CCAR2: variants seen among roughly 807,000 people sequenced by gnomAD.
CCAR2 encodes cell cycle and apoptosis regulator 2.
A neutral mutation model predicts 108.1 loss-of-function variants in CCAR2; 21 were observed. The observed-to-expected ratio is 0.19, with a 90% CI of 0.14 to 0.28. The LOEUF is 0.28. Ranked by LOEUF, CCAR2 falls within the 10% of genes least tolerant of loss-of-function variation. The pLI, the probability that CCAR2 is intolerant of heterozygous loss-of-function variation, is 1.00. For missense variants in CCAR2, 1,126 were observed against 1,177.0 expected (o/e 0.96, Z 0.63); for synonymous variants, 577 against 472.8 (o/e 1.22, Z -2.86).
chr8:22,618,470 T>C lies in CCAR2; in HGVS notation c.2195T>C (p.Leu732Pro). The part of the protein sequence containing the change: ...RRDLERILLT[L>P]GIRLSAEQAK... ...GACTTAGAGAGGATCCTCCTTACCC[T>C]TGGGATCCGGCTCAGTGCAGAGCAG... Residue 732 changes from leucine (L) to proline (P), a missense_variant, in exon 17 of 21, where the codon CTT becomes CCT. Leu to Pro is a moderately conservative substitution (Grantham distance 98). This residue lies in a region of CCAR2 where 1,013 missense variants were observed against 993.9 expected (regional missense o/e 1.02). Coordinates refer to ENST00000308511, the MANE Select transcript of CCAR2 (RefSeq NM_001393997.1). 6.2e-7 allele frequency: 1 copy of C among 1,614,212 alleles called. No homozygotes were observed. Among genetic ancestry groups the C allele is most frequent in the Non-Finnish European group, 8.5e-7 (1 of 1,180,044 alleles).
Position 22,618,948 on chromosome 8 carries a change from C to G in CCAR2, c.2454C>G (p.Arg818=), listed in dbSNP as rs200010288. ...SLINVGSLLQ[R]AEQQDSGRLY... ...TTAACGTGGGGAGCCTGCTGCAGCGCGCGGAGCAGCAGGACAGCGGCCGGC... is the reference window on the plus strand; with the variant it reads ...TTAACGTGGGGAGCCTGCTGCAGCGGGCGGAGCAGCAGGACAGCGGCCGGC... Residue 818 remains arginine, a synonymous_variant, in exon 19 of 21, where the codon CGC becomes CGG. Transcript: ENST00000308511. 6 of 1,613,666 alleles carry G rather than the reference C, an allele frequency of 3.7e-6. No individual in the cohort carries two copies. Among genetic ancestry groups the G allele is most frequent in the Non-Finnish European group, 5.1e-6 (6 of 1,180,038 alleles).
chr8:22,611,567 G>A (rs943999769), intron 7 of CCAR2, among the ~76,000 whole-genome samples: 13 of 151,980 alleles, frequency 8.6e-5, no homozygotes, highest in Admixed American at 7.2e-4. Context: ...TTTTGAAAAG[G>A]AAAATCTCTT....
At position 22,615,504 on chromosome 8, in the gene CCAR2, G is replaced by A. The variant is rs1801465928; in HGVS notation, c.1285G>A (p.Val429Ile). ...LQTVVVYLPD[V>I]WTIMPTLEEW... ...GACAGTGGTGGTGTACCTGCCGGATGTCTGGACCATCATGCCTACTTTGGA... is the reference window on the plus strand; with the variant it reads ...GACAGTGGTGGTGTACCTGCCGGATATCTGGACCATCATGCCTACTTTGGA... Residue 429 changes from valine (V) to isoleucine (I), a missense_variant, in exon 12 of 21, where the codon GTC becomes ATC. Around this residue, in one of 4 missense-constraint regions of CCAR2, gnomAD observed 1,013 missense variants for 993.9 expected, o/e 1.02. Transcript: ENST00000308511. 6 of 1,613,976 alleles carry A rather than the reference G, an allele frequency of 3.7e-6. 1 individual carries two copies. The highest frequency in any genetic ancestry group is 2.2e-5 in the South Asian group (2 of 91,086).
In CCAR2 at chr8:22,613,166, C is replaced by G. The variant is rs199503915; in HGVS notation, c.704+30C>G. 59 of 1,531,308 alleles carry G rather than the reference C, an allele frequency of 3.9e-5. No individual in the cohort carries two copies. The Middle Eastern group carries it at 6.0e-4, about 15-fold the overall frequency. 94.9% of individuals were successfully genotyped at this position (1,531,308 alleles called of 1,614,324 possible). Reference sequence around the variant, plus strand: ...GTGGCGAGGCTGAGGTGGGCTGAGTCTTGCTGCTGGTAATAGTTTCTTATG... The same window carrying G: ...GTGGCGAGGCTGAGGTGGGCTGAGTGTTGCTGCTGGTAATAGTTTCTTATG... On this transcript the variant is annotated intron_variant, in intron 8 of 20. Coordinates refer to ENST00000308511, the MANE Select transcript of CCAR2 (RefSeq NM_001393997.1).
intron 7 of CCAR2, among the ~76,000 whole-genome samples, chr8:22,610,061 A>T (rs1196945053): frequency 6.6e-6 from 1 of 152,198 alleles, no homozygotes; most frequent in African/African-American, 2.4e-5. Flanking sequence ...AAAATCTGAA[A>T]AAAATTCCAA....
rs56024925 is a variant in CCAR2, at chr8:22,619,619, C to T, written c.2728-19C>T. 1 of 641,996 alleles carries T rather than the reference C, an allele frequency of 1.6e-6. No homozygotes were observed. Among genetic ancestry groups the T allele is most frequent in the Non-Finnish European group, 2.1e-6 (1 of 474,306 alleles). The allele number at this position is 641,996 out of a possible 1,614,324, so 39.8% of individuals were successfully genotyped here. A position where few individuals can be genotyped will look rare whatever the true frequency, so the allele number is the denominator to read the frequency against. On this transcript the variant is annotated intron_variant, in intron 20 of 20. Coordinates refer to ENST00000308511, the MANE Select transcript of CCAR2 (RefSeq NM_001393997.1). ...ACCTTGCCAGGCCCGATTCTGGGTA[C>T]ATCATCTGTTTCAAACAGGCTGACA...
chr8:22,616,129 G>A lies in CCAR2; in HGVS notation c.1726G>A (p.Glu576Lys). 1 of 1,614,038 alleles carries A rather than the reference G, an allele frequency of 6.2e-7. No homozygotes were observed. ...KVVSPPEPEKEEAAKEEATKE... is the reference protein window; with the variant it reads ...KVVSPPEPEKKEAAKEEATKE... ...CGTGTCCCCACCTGAACCTGAGAAG[G>A]AGGAGGCGGCCAAGGAAGAAGCCAC... is the stretch of plus-strand genomic sequence containing the variant. Residue 576 changes from glutamate to lysine, a missense_variant, in exon 14 of 21, where the codon GAG becomes AAG. Physicochemically the swap from Glu to Lys is moderately conservative, Grantham distance 56. Coordinates refer to ENST00000308511, the MANE Select transcript of CCAR2 (RefSeq NM_001393997.1).
chr8:22,618,045 G>T, intron 16 of CCAR2: 1 of 590,466 alleles, frequency 1.7e-6, no homozygotes, highest in Non-Finnish European at 3.0e-6. Flanking sequence ...AGAGAGGAAG[G>T]CTGGCTTGGG....
chr8:22,605,560 G>GT (rs1801037158), intron 1 of CCAR2, 176 bp from the exon 2 acceptor site: 1 of 587,130 alleles, frequency 1.7e-6, no homozygotes, highest in Admixed American at 3.0e-5. Context: ...CTGGAACAAT[G>GT]TAATTTCTTG....
chr8:22,613,049 G>C lies in CCAR2; in HGVS notation c.617G>C (p.Arg206Pro). The C allele has an allele frequency of 6.2e-7, 1 of 1,613,108 alleles. No individual in the cohort carries two copies. The highest frequency in any genetic ancestry group is 8.5e-7 in the Non-Finnish European group (1 of 1,179,708). The stretch of plus-strand genomic sequence containing the variant: ...TATGACTCCAAGAAACGCAAACAGC[G>C]GGCTGGTGGAGAGCCCTGGGGTGCT... Reference protein sequence around the residue: ...DDYDSKKRKQRAGGEPWGAKK... With the variant: ...DDYDSKKRKQPAGGEPWGAKK... The change falls in exon 8 of 21, where the codon CGG becomes CCG. Residue 206 changes from arginine to proline, a missense_variant. Transcript: ENST00000308511.
Position 22,619,814 on chromosome 8 carries a change from CCTCT to C in CCAR2, c.*133_*136del. ...CAGGGGTGGCTGACCCCATGCTCAG[CCTCT>C]AGGGGACGGCAGGCCATCAGGCTGG... On this transcript the variant is annotated 3_prime_UTR_variant, in exon 21 of 21. Transcript: ENST00000308511. 1 of 940,644 alleles carries C rather than the reference CCTCT, an allele frequency of 1.1e-6. No individual in the cohort carries two copies. The highest frequency in any genetic ancestry group is 2.1e-5 in the Admixed American group (1 of 48,132). 58.3% of individuals were successfully genotyped at this position (940,644 alleles called of 1,614,324 possible).
intron 16 of CCAR2, 35 bp from the exon 17 acceptor site, chr8:22,618,314 T>G (rs114286398): frequency 6.2e-7 from 1 of 1,613,774 alleles, no homozygotes; most frequent in East Asian, 2.2e-5. Context: ...GAGGGAACTA[T>G]TTGCAAATCC....
At chr8:22,606,511 G>T (rs1309323539) in intron 3 of CCAR2, 96 bp from the exon 4 acceptor site, 2 of 942,152 alleles carry the variant, frequency 2.1e-6, no homozygotes, top group Non-Finnish European at 3.4e-6. Flanking sequence ...GCAGTACGCT[G>T]AGCTGGGGCG....
chr8:22,607,477 T>TTG (rs1554558944), intron 6 of CCAR2, 152 bp downstream of exon 6: 4 of 905,972 alleles, frequency 4.4e-6, no homozygotes, highest in Middle Eastern at 2.7e-4. Flanking sequence ...GTTTTTTTTT[T>TTG]TTTTTTTTTT....
intron 10 of CCAR2, 94 bp from the exon 11 acceptor site, chr8:22,614,744 G>GGTGT: frequency 1.3e-6 from 2 of 1,550,094 alleles, no homozygotes; most frequent in South Asian, 2.3e-5. Context: ...CCCACTTCCG[G>GGTGT]CTGCCTTCAT....
At position 22,604,786 on chromosome 8, in the gene CCAR2, C is replaced by T. The variant is rs201916896; in HGVS notation, c.-95C>T. 2.6e-5 allele frequency: 12 copies of T among 455,884 alleles called. No homozygotes were observed. Among genetic ancestry groups the T allele is most frequent in the Admixed American group, 4.7e-5 (2 of 42,562 alleles). 28.2% of individuals were successfully genotyped at this position (455,884 alleles called of 1,614,324 possible). A position where few individuals can be genotyped will look rare whatever the true frequency, so the allele number is the denominator to read the frequency against. On this transcript the variant is annotated 5_prime_UTR_variant, in exon 1 of 21. Coordinates refer to ENST00000308511, the MANE Select transcript of CCAR2 (RefSeq NM_001393997.1). ...GCGCTTCCGGTGGCGGCGGCAGCAGCGGCTGTGGTGGTTCCGGGTGTCTTT... is the reference window on the plus strand; with the variant it reads ...GCGCTTCCGGTGGCGGCGGCAGCAGTGGCTGTGGTGGTTCCGGGTGTCTTT...
intron 16 of CCAR2, 23 bp downstream of exon 16, chr8:22,617,801 C>A (rs200495038): frequency 1.2e-6 from 2 of 1,610,642 alleles, no homozygotes; most frequent in South Asian, 1.1e-5. Flanking sequence ...CTCGACCACT[C>A]TGGGTCTCAG....
At chr8:22,620,602 C>T (rs569446841), downstream of CCAR2, 1 of 152,278 alleles carries the variant, frequency 6.6e-6, no homozygotes, top group African/African-American at 2.4e-5. Flanking sequence ...GGTGCGCACA[C>T]ACCCCTGGCA....
chr8:22,614,849 C>T lies in CCAR2; in HGVS notation c.1053C>T (p.Gly351=), dbSNP rs201599636. ...ATCTCTTCTTGCAGTTTTTGCTGGG[C>T]AGGAAAGAAGAGGAGGCAGTGCTGG... ...HPLKQIKFLL[G]RKEEEAVLVG... Residue 351 remains glycine, a synonymous_variant, in exon 11 of 21, where the codon GGC becomes GGT. Coordinates refer to ENST00000308511, the MANE Select transcript of CCAR2 (RefSeq NM_001393997.1). 3.5e-5 allele frequency: 56 copies of T among 1,612,234 alleles called. No individual in the cohort carries two copies. The highest frequency in any genetic ancestry group is 2.7e-4 in the Admixed American group (16 of 59,882).
Sources: allele counts gnomAD v4.1 joint callset (sites outside exome capture counted in the v4.1 genomes callset), GRCh38; gene constraint gnomAD v4.1.1; regional missense constraint gnomAD v4.1.1; transcripts MANE v1.5; gene names NCBI Gene and HGNC (gene_info 2026-07-23, HGNC 2026-07-21).